Variants in ABCB1 observed in about 807,000 individuals in gnomAD.
ABCB1 encodes the protein ATP binding cassette subfamily B member 1.
In ABCB1, 69 loss-of-function variants were observed where a neutral mutation model predicts 142.0. That is an observed-to-expected ratio of 0.49 (90% CI 0.40 to 0.59). The LOEUF (loss-of-function observed/expected upper bound fraction) is 0.59. Among genes scored for constraint, ABCB1 ranks in the 20% least tolerant of loss-of-function variants. The probability of loss-of-function intolerance (pLI) is 0.00; values close to 1 mark genes in which losing one functional copy is unlikely to be tolerated. For synonymous variants in ABCB1, 532 were observed against 539.2 expected, an observed-to-expected ratio of 0.99 and a Z score of 0.18; for missense variants, 1,326 against 1,554.7, an observed-to-expected ratio of 0.85 and a Z score of 2.47.
chr7:87,633,711 T>G (rs1221978119), intron 1 of ABCB1, among the ~76,000 whole-genome samples: 3 of 152,190 alleles, frequency 2.0e-5, no homozygotes. Context: ...GAGTTAAGTT[T>G]AGTGAGCTTT....
At chr7:87,674,655 G>T (rs545590784) in intron 1 of ABCB1, among the ~76,000 whole-genome samples, 3 of 152,082 alleles carry the variant, frequency 2.0e-5, no homozygotes, top group Non-Finnish European at 4.4e-5. Flanking sequence ...GCAGGGGCTG[G>T]TCTGTTGGAA....
chr7:87,553,627 T>G (rs536360399), intron 9 of ABCB1, 134 bp downstream of exon 9: 2 of 1,007,470 alleles, frequency 2.0e-6, no homozygotes, highest in Non-Finnish European at 1.5e-6. Flanking sequence ...GCCTTCCACT[T>G]TTTAACCTAG....
intron 1 of ABCB1, among the ~76,000 whole-genome samples, chr7:87,643,100 T>C (rs1822614337): frequency 6.6e-6 from 1 of 152,134 alleles, no homozygotes; most frequent in Non-Finnish European, 1.5e-5. Context: ...CATTTCCTTA[T>C]AGAGATGGGC....
At chr7:87,669,684 A>G (rs779747928) in intron 1 of ABCB1, among the ~76,000 whole-genome samples, 5 of 152,142 alleles carry the variant, frequency 3.3e-5, no homozygotes, top group Non-Finnish European at 7.3e-5. Flanking sequence ...GATTCCCTCA[A>G]GAGTTGTTTA....
At chr7:87,561,000 G>A (rs1174279554) in intron 8 of ABCB1, among the ~76,000 whole-genome samples, 2 of 152,132 alleles carry the variant, frequency 1.3e-5, no homozygotes, top group African/African-American at 4.8e-5. Flanking sequence ...AAAAAAATCA[G>A]AGGTATAAAA....
chr7:87,599,486 T>A (rs1269693782), intron 2 of ABCB1, among the ~76,000 whole-genome samples: 1 of 152,054 alleles, frequency 6.6e-6, no homozygotes, highest in Admixed American at 6.6e-5. Flanking sequence ...ATGGCTCACG[T>A]GTGGGCGACC....
chr7:87,588,963 A>G (rs1272860176), intron 3 of ABCB1, among the ~76,000 whole-genome samples: 1 of 152,142 alleles, frequency 6.6e-6, no homozygotes, highest in Non-Finnish European at 1.5e-5. Flanking sequence ...GTCTCTATTC[A>G]TGTCCTTTGC....
intron 8 of ABCB1, among the ~76,000 whole-genome samples, chr7:87,558,046 GA>G (rs534838436): frequency 1.4e-4 from 21 of 152,132 alleles, no homozygotes; most frequent in African/African-American, 4.6e-4. Context: ...GTGAAGGAAG[GA>G]AAAAAACCTC....
chr7:87,635,262 C>T (rs1418542928), intron 1 of ABCB1, among the ~76,000 whole-genome samples: 1 of 152,144 alleles, frequency 6.6e-6, no homozygotes, highest in Non-Finnish European at 1.5e-5. Context: ...TGCTTTTACC[C>T]AGTTGTATAT....
chr7:87,586,294 A>G (rs987822079), intron 3 of ABCB1, among the ~76,000 whole-genome samples: 6 of 152,200 alleles, frequency 3.9e-5, no homozygotes, highest in Admixed American at 6.5e-5. Flanking sequence ...AGATCTGCAT[A>G]ATCTCTTTAA....
intron 1 of ABCB1, among the ~76,000 whole-genome samples, chr7:87,659,881 C>T (rs765692657): frequency 6.6e-6 from 1 of 152,038 alleles, no homozygotes; most frequent in Non-Finnish European, 1.5e-5. Flanking sequence ...CCAGAAGTTG[C>T]CTTTATTTTT....
At chr7:87,508,708 T>C (rs992974108) in intron 26 of ABCB1, among the ~76,000 whole-genome samples, 6 of 152,114 alleles carry the variant, frequency 3.9e-5, no homozygotes, top group African/African-American at 1.4e-4. Flanking sequence ...GTTCAACCCT[T>C]ATTCAGAGAG....
chr7:87,509,495 T>G lies in ABCB1; in HGVS notation c.3283-14A>C. 1.2e-6 allele frequency: 2 copies of G among 1,613,276 alleles called. No homozygotes were observed. The highest frequency in any genetic ancestry group is 3.3e-5 in the Admixed American group (2 of 59,984). ...GCCATCAAGCAGCTGAAAACAAGAG[T>G]TCACAGATCAACTTCAGGACCAGCA... is the stretch of plus-strand genomic sequence containing the variant. On this transcript the variant is annotated splice_polypyrimidine_tract_variant and intron_variant, in intron 25 of 27. Transcript: ENST00000622132.
intron 23 of ABCB1, 96 bp from the exon 24 acceptor site, chr7:87,516,761 G>C: frequency 8.2e-7 from 1 of 1,226,472 alleles, no homozygotes; most frequent in Non-Finnish European, 1.1e-6. Flanking sequence ...TTTTGAGGTG[G>C]GGTCTTCCTG....
At chr7:87,574,268 G>A (rs1272129155) in intron 4 of ABCB1, among the ~76,000 whole-genome samples, 1 of 152,086 alleles carries the variant, frequency 6.6e-6, no homozygotes, top group Non-Finnish European at 1.5e-5. Context: ...GAGCTTGACG[G>A]AATGCCTATG....
At chr7:87,565,824 A>G (rs1309474064) in intron 7 of ABCB1, among the ~76,000 whole-genome samples, 1 of 151,758 alleles carries the variant, frequency 6.6e-6, no homozygotes, top group Non-Finnish European at 1.5e-5. Context: ...GAAGGTAGAT[A>G]TGAGAGCTAC....
chr7:87,653,406 T>TA (rs1277642268), intron 1 of ABCB1, among the ~76,000 whole-genome samples: 3 of 152,098 alleles, frequency 2.0e-5, no homozygotes, highest in Admixed American at 1.3e-4. Context: ...ACTCCATACA[T>TA]AGTACCACTT....
At chr7:87,568,267 A>AATAATAATAATAATAATAATAAT (rs775493469) in intron 5 of ABCB1, among the ~76,000 whole-genome samples, 13 of 100,406 alleles carry the variant, frequency 1.3e-4, no homozygotes, top group African/African-American at 6.0e-4. Flanking sequence ...TAATAATAAT[A>AATAATAATAATAATAATAATAAT]AAAATTAGCC....
chr7:87,534,926 A>AAC lies in ABCB1; in HGVS notation c.2481+1531_2481+1532insGT, dbSNP rs1236396095. On this transcript the variant is annotated intron_variant, in intron 20 of 27. Transcript: ENST00000622132. Reference sequence around the variant, plus strand: ...AGAGACCCTGTCTCTTTAAAAAAAAAAAAAAAAAAAAAAACTCCATTTTTT... The same window carrying AAC: ...AGAGACCCTGTCTCTTTAAAAAAAAAACAAAAAAAAAAAAAACTCCATTTTTT... 7.9e-3 allele frequency among the ~76,000 whole-genome samples: 1,116 copies of AAC among 141,506 alleles called. 14 individuals carry two copies. Among genetic ancestry groups the AAC allele is most frequent in the African/African-American group, 0.027 (1,050 of 39,368 alleles). 92.8% of individuals were successfully genotyped at this position (141,506 alleles called of 152,430 possible).
Sources: gnomAD v4.1 joint callset for allele counts (sites outside exome capture counted in the v4.1 genomes callset) on GRCh38, gnomAD v4.1.1 for gene constraint, MANE v1.5 for transcripts, NCBI Gene and HGNC (gene_info 2026-07-23, HGNC 2026-07-21) for gene names.